The following PCSK5 variants were observed in gnomAD, a reference collection of about 807,000 sequenced individuals.
The protein encoded by PCSK5 is proprotein convertase subtilisin/kexin type 5.
PCSK5 carries 129 observed loss-of-function variants against 233.2 expected under a neutral mutation model. That is an observed-to-expected ratio of 0.55 (90% confidence interval 0.48 to 0.64). PCSK5 has a LOEUF of 0.64. Among genes scored for constraint, PCSK5 ranks in the 30% least tolerant of loss-of-function variants. The pLI is 0.00. For missense variants in PCSK5, 2,076 were observed against 2,430.1 expected, an observed-to-expected ratio of 0.85 and a Z score of 3.06; for synonymous variants, 825 against 879.2, an observed-to-expected ratio of 0.94 and a Z score of 1.09.
intron 35 of PCSK5, among the ~76,000 whole-genome samples, chr9:76,338,923 C>T (rs1040265007): frequency 6.6e-6 from 1 of 152,058 alleles, no homozygotes; most frequent in Non-Finnish European, 1.5e-5. Flanking sequence ...CTTCTCCTTC[C>T]CCTGTTGCCT....
intron 5 of PCSK5, among the ~76,000 whole-genome samples, chr9:76,050,185 G>A (rs1003611784): frequency 3.3e-5 from 5 of 152,124 alleles, no homozygotes; most frequent in Non-Finnish European, 7.3e-5. Context: ...ATTAGGTGTA[G>A]TTAAGAAGGT....
intron 33 of PCSK5, among the ~76,000 whole-genome samples, chr9:76,329,127 G>T (rs1829456286): frequency 6.7e-6 from 1 of 149,496 alleles, no homozygotes; most frequent in African/African-American, 2.5e-5. Flanking sequence ...CCACTTTTTT[G>T]TTTGTTTGTT....
chr9:75,908,992 C>T (rs201868869), intron 1 of PCSK5, among the ~76,000 whole-genome samples: 87 of 115,272 alleles, frequency 7.5e-4, no homozygotes, highest in South Asian at 3.1e-3. Context: ...TCTATCTATC[C>T]GATTTTCTCT....
At chr9:76,330,544 T>C (rs1032633989) in intron 33 of PCSK5, among the ~76,000 whole-genome samples, 2 of 151,026 alleles carry the variant, frequency 1.3e-5, no homozygotes, top group African/African-American at 2.4e-5. Flanking sequence ...AGCCCAGGAG[T>C]TCAAGGCCAG....
chr9:75,893,629 C>G (rs1392476074), intron 1 of PCSK5, among the ~76,000 whole-genome samples: 2 of 152,134 alleles, frequency 1.3e-5, no homozygotes, highest in African/African-American at 2.4e-5. Flanking sequence ...TTTGAACAAG[C>G]AAACATTGCA....
Position 76,159,080 on chromosome 9 carries a change from G to A in PCSK5, c.1528G>A (p.Val510Met). The A allele has an allele frequency of 1.9e-6, 3 of 1,614,136 alleles. No individual in the cohort carries two copies. Among genetic ancestry groups the A allele is most frequent in the Non-Finnish European group, 1.7e-6 (2 of 1,180,002 alleles). Residue 510 changes from valine (V) to methionine (M), a missense_variant, in exon 12 of 38, where the codon GTG becomes ATG. By Grantham distance (21) the Val-to-Met change is conservative. This residue lies in a region of PCSK5 where 50 missense variants were observed against 104.7 expected (regional missense o/e 0.48). Transcript: ENST00000674117. ...RHVNYLEHVV[V>M]RITITHPRRG... is the part of the protein sequence containing the mutation. ...TGTCAACTACCTGGAGCACGTCGTT[G>A]TGCGCATCACCATCACCCACCCCAG...
At chr9:75,932,887 G>T (rs1245376080) in intron 2 of PCSK5, among the ~76,000 whole-genome samples, 1 of 152,122 alleles carries the variant, frequency 6.6e-6, no homozygotes, top group Non-Finnish European at 1.5e-5. Context: ...TAGGTCAGGG[G>T]TACAGATCAC....
intron 24 of PCSK5, among the ~76,000 whole-genome samples, chr9:76,267,298 A>G (rs917448168): frequency 1.4e-4 from 21 of 152,324 alleles, no homozygotes; most frequent in Middle Eastern, 6.8e-3. Flanking sequence ...CAGGGGAGAG[A>G]AAGCCAGCAA....
rs144606966 is a variant in PCSK5, at chr9:76,081,765, A to G, written c.894+9867A>G. 4.3e-3 allele frequency among the ~76,000 whole-genome samples: 652 copies of G among 152,220 alleles called. 3 individuals carry two copies. Among genetic ancestry groups the G allele is most frequent in the Middle Eastern group, 0.024 (7 of 294 alleles). ...CATTTATGTATTCTCTCACTTGTTG[A>G]TGGCTCTCCCATTCACCCAGTCTCC... On this transcript the variant is annotated intron_variant, in intron 7 of 37. Coordinates refer to ENST00000674117, the MANE Select transcript of PCSK5 (RefSeq NM_001372043.1).
intron 8 of PCSK5, 36 bp from the exon 9 acceptor site, chr9:76,107,215 G>A (rs1832014334): frequency 7.3e-7 from 1 of 1,363,194 alleles, no homozygotes; most frequent in Non-Finnish European, 1.0e-6. Flanking sequence ...ACTCACATTG[G>A]CCTCAGAAAT....
rs552779912 is a variant in PCSK5 at position 76,278,339 on chromosome 9, T to C, written c.3143-13894T>C. Among the ~76,000 whole-genome samples, 7 of 152,300 alleles carry C rather than the reference T, an allele frequency of 4.6e-5. No individual in the cohort carries two copies. In the East Asian group the frequency reaches 7.7e-4, roughly 17 times the overall value. Reference sequence around the variant, plus strand: ...CCACGGAAGAACATCAGTCCTGTCCTGGTGGTGTAGAATTAGGAAATGCCA... The same window carrying C: ...CCACGGAAGAACATCAGTCCTGTCCCGGTGGTGTAGAATTAGGAAATGCCA... On this transcript the variant is annotated intron_variant, in intron 24 of 37. Coordinates refer to ENST00000674117, the MANE Select transcript of PCSK5 (RefSeq NM_001372043.1).
intron 2 of PCSK5, among the ~76,000 whole-genome samples, chr9:75,953,490 G>T (rs1439921957): frequency 1.3e-5 from 2 of 152,124 alleles, no homozygotes; most frequent in Non-Finnish European, 2.9e-5. Context: ...CCATGAGATT[G>T]TCCTTTTGTT....
intron 3 of PCSK5, among the ~76,000 whole-genome samples, chr9:76,014,802 A>T (rs145668140): frequency 6.6e-6 from 1 of 152,316 alleles, no homozygotes; most frequent in East Asian, 1.9e-4. Flanking sequence ...CACATTCCCT[A>T]TGCTCTTTCT....
chr9:76,339,412 A>G (rs1002687557), intron 35 of PCSK5, among the ~76,000 whole-genome samples: 13 of 152,186 alleles, frequency 8.5e-5, no homozygotes, highest in African/African-American at 3.1e-4. Flanking sequence ...GATATTGAGT[A>G]GCATTGCATT....
chr9:75,896,385 A>C (rs1825806182), intron 1 of PCSK5, among the ~76,000 whole-genome samples: 1 of 152,208 alleles, frequency 6.6e-6, no homozygotes, highest in Non-Finnish European at 1.5e-5. Context: ...TTACATCCAG[A>C]GGTCCTAACC....
At chr9:75,933,995 T>C (rs1484350961) in intron 2 of PCSK5, among the ~76,000 whole-genome samples, 1 of 152,226 alleles carries the variant, frequency 6.6e-6, no homozygotes, top group African/African-American at 2.4e-5. Context: ...ATTTTCATGA[T>C]GAAGGATTTA....
chr9:76,036,596 G>A (rs554174964), intron 5 of PCSK5, among the ~76,000 whole-genome samples: 1 of 152,256 alleles, frequency 6.6e-6, no homozygotes, highest in South Asian at 2.1e-4. Context: ...AATGTCTGGG[G>A]TTGCTATTTG....
At chr9:76,115,208 T>C (rs1832376587) in intron 9 of PCSK5, among the ~76,000 whole-genome samples, 1 of 152,044 alleles carries the variant, frequency 6.6e-6, no homozygotes, top group Non-Finnish European at 1.5e-5. Flanking sequence ...CCTACAGATT[T>C]TGCACCAAGA....
At chr9:76,199,796 T>A (rs1384174163) in intron 20 of PCSK5, among the ~76,000 whole-genome samples, 3 of 152,090 alleles carry the variant, frequency 2.0e-5, no homozygotes, top group Admixed American at 6.6e-5. Context: ...AGATTCCTGA[T>A]CTCTTCCCTC....
Sources: gnomAD v4.1 joint callset for allele counts (sites outside exome capture counted in the v4.1 genomes callset) on GRCh38, gnomAD v4.1.1 for gene constraint, gnomAD v4.1.1 regional missense constraint, MANE v1.5 for transcripts, NCBI Gene and HGNC (gene_info 2026-07-23, HGNC 2026-07-21) for gene names.